AFDN: variants seen among roughly 807,000 people sequenced by gnomAD.
AFDN encodes the protein afadin, adherens junction formation factor.
In AFDN, 68 loss-of-function variants were observed where a neutral mutation model predicts 216.6. The ratio of observed to expected loss-of-function variants is 0.31; its 90% CI spans 0.26 to 0.38. The LOEUF is 0.38. AFDN is among the 10% of genes least tolerant of loss of function. The pLI, the probability that AFDN is intolerant of heterozygous loss-of-function variation, is 1.00. For missense variants in AFDN, 2,136 were observed against 2,342.0 expected (o/e 0.91, Z 1.82); for synonymous variants, 868 against 853.7 (o/e 1.02, Z -0.29).
chr6:167,939,152 C>T (rs1353366401), intron 23 of AFDN, among the ~76,000 whole-genome samples: 1 of 152,094 alleles, frequency 6.6e-6, no homozygotes, highest in African/African-American at 2.4e-5. Context: ...ATAATAGTGT[C>T]ACTAAAAATG....
chr6:167,857,872 A>T (rs376734740), intron 1 of AFDN, among the ~76,000 whole-genome samples: 1 of 152,108 alleles, frequency 6.6e-6, no homozygotes. Context: ...AATCAGTTAT[A>T]CCCCTAGACT....
At chr6:167,881,774 T>G (rs1170901720) in intron 6 of AFDN, among the ~76,000 whole-genome samples, 1 of 152,148 alleles carries the variant, frequency 6.6e-6, no homozygotes, top group Non-Finnish European at 1.5e-5. Context: ...GGGTCTTCAC[T>G]GAAAACAGGA....
At chr6:167,887,393 C>G (rs1056687850) in intron 6 of AFDN, among the ~76,000 whole-genome samples, 1 of 148,928 alleles carries the variant, frequency 6.7e-6, no homozygotes, top group Non-Finnish European at 1.5e-5. Context: ...CAATACAAAT[C>G]AGGAGGTAAT....
chr6:167,948,764 G>A (rs1012444027), intron 29 of AFDN, among the ~76,000 whole-genome samples: 9 of 152,236 alleles, frequency 5.9e-5, no homozygotes, highest in Non-Finnish European at 2.9e-5. Flanking sequence ...TAGAACTCAA[G>A]TGGTGTATTT....
upstream of AFDN, chr6:167,826,690 C>A: frequency 2.3e-6 from 1 of 443,052 alleles, no homozygotes. Context: ...CCGGTACCGC[C>A]GGTTGGGACC....
At chr6:167,952,425 T>A in intron 30 of AFDN, 1 of 985,450 alleles carries the variant, frequency 1.0e-6, no homozygotes, top group Non-Finnish European at 1.2e-6. Flanking sequence ...CAAATGGAAC[T>A]TGATTGTTTT....
intron 13 of AFDN, 53 bp downstream of exon 13, chr6:167,907,342 AAG>A: frequency 5.1e-6 from 7 of 1,383,126 alleles, no homozygotes; most frequent in Non-Finnish European, 7.2e-6. Context: ...ATTCCTAAAA[AAG>A]GGTTGGGATA....
intron 17 of AFDN, 123 bp downstream of exon 17, chr6:167,914,436 GCATA>G: frequency 7.5e-7 from 1 of 1,325,378 alleles, no homozygotes; most frequent in Non-Finnish European, 1.0e-6. Context: ...ATATAAAGAA[GCATA>G]CATTTTTGCA....
In AFDN at chr6:167,925,001, T is replaced by G. The variant is rs1048748414; in HGVS notation, c.3013-4T>G. ...TAAAATAAACCTTTGTTTTCATCCT[T>G]TAGGCTCAGCCTCTGAGGAAAGAAC... On this transcript the variant is annotated splice_region_variant and splice_polypyrimidine_tract_variant and intron_variant, in intron 22 of 33. Coordinates refer to ENST00000683244, the MANE Select transcript of AFDN (RefSeq NM_001386888.1). The G allele has an allele frequency of 5.0e-6, 8 of 1,607,194 alleles. No individual in the cohort carries two copies. Among genetic ancestry groups the G allele is most frequent in the Non-Finnish European group, 6.8e-6 (8 of 1,173,688 alleles).
chr6:167,967,795 G>A (rs760563997), intron 32 of AFDN, among the ~76,000 whole-genome samples: 1 of 152,074 alleles, frequency 6.6e-6, no homozygotes, highest in Non-Finnish European at 1.5e-5. Flanking sequence ...AGCGCATTCC[G>A]ACCTTGTGTC....
intron 1 of AFDN, chr6:167,864,237 TTATAAA>T: frequency 1.8e-6 from 1 of 568,454 alleles, no homozygotes; most frequent in Non-Finnish European, 3.4e-6. Flanking sequence ...AGCTGCATTC[TTATAAA>T]TATTGAGTGT....
At chr6:167,866,174 C>CTT (rs34243000) in intron 2 of AFDN, among the ~76,000 whole-genome samples, 134,376 of 152,014 alleles carry the variant, frequency 0.88, 59,575 homozygotes, top group Non-Finnish European at 0.92. Context: ...AGTGTGAAGT[C>CTT]TGAATAATAT....
intron 32 of AFDN, 94 bp from the exon 33 acceptor site, chr6:167,969,020 T>G: frequency 1.1e-6 from 1 of 951,986 alleles, no homozygotes; most frequent in Non-Finnish European, 1.7e-6. Context: ...TCAGTAAAGG[T>G]ATTTTTGTAT....
At chr6:167,966,572 T>C (rs1357555659) in intron 32 of AFDN, among the ~76,000 whole-genome samples, 4 of 152,260 alleles carry the variant, frequency 2.6e-5, no homozygotes, top group Non-Finnish European at 5.9e-5. Flanking sequence ...CTTGAAGTAC[T>C]GTTGGTCTTG....
chr6:167,943,623 A>G (rs1794946791), intron 25 of AFDN, 148 bp downstream of exon 25: 1 of 616,566 alleles, frequency 1.6e-6, no homozygotes, highest in Non-Finnish European at 2.8e-6. Flanking sequence ...TTCACTTGTT[A>G]TCAAATTATA....
At chr6:167,942,716 G>GT (rs1794840447) in intron 23 of AFDN, among the ~76,000 whole-genome samples, 1 of 152,104 alleles carries the variant, frequency 6.6e-6, no homozygotes, top group Non-Finnish European at 1.5e-5. Context: ...GCCACAAGAA[G>GT]TTTTTTTATC....
At chr6:167,933,019 G>T (rs1313560241) in intron 23 of AFDN, among the ~76,000 whole-genome samples, 2 of 152,104 alleles carry the variant, frequency 1.3e-5, no homozygotes, top group Non-Finnish European at 2.9e-5. Flanking sequence ...ATTTCATCCT[G>T]CTGGGTATAA....
In AFDN at chr6:167,970,486, CCTT is replaced by C. The variant is rs1797952258; in HGVS notation, c.*554_*556del. On this transcript the variant is annotated 3_prime_UTR_variant, in exon 34 of 34. Coordinates refer to ENST00000683244, the MANE Select transcript of AFDN (RefSeq NM_001386888.1). ...CTGATGGTGTCTGTTCCCACAATATCCTTCTAGTCTGCATCGTGAAGTGGCTTA... is the reference window on the plus strand; with the variant it reads ...CTGATGGTGTCTGTTCCCACAATATCCTAGTCTGCATCGTGAAGTGGCTTA... 1 of 219,208 alleles carries C rather than the reference CCTT, an allele frequency of 4.6e-6. No homozygotes were observed. The highest frequency in any genetic ancestry group is 9.1e-6 in the Non-Finnish European group (1 of 109,342). The allele number at this position is 219,208 out of a possible 1,614,324, so 13.6% of individuals were successfully genotyped here.
Position 167,947,958 on chromosome 6 carries a change from A to C in AFDN, c.3645+14A>C, listed in dbSNP as rs200839257. On this transcript the variant is annotated intron_variant, in intron 28 of 33. Transcript: ENST00000683244. ...CTCTGCACTGAGGTCTGATTGATTG[A>C]TAAGCAAAAGGCTTCTACTGCATTT... is the stretch of plus-strand genomic sequence containing the variant. The C allele has an allele frequency of 1.0e-5, 16 of 1,589,034 alleles. No homozygotes were observed. Among genetic ancestry groups the C allele is most frequent in the Non-Finnish European group, 1.2e-5 (14 of 1,157,858 alleles).
Sources: allele counts gnomAD v4.1 joint callset (sites outside exome capture counted in the v4.1 genomes callset), GRCh38; gene constraint gnomAD v4.1.1; transcripts MANE v1.5; gene names NCBI Gene and HGNC (gene_info 2026-07-23, HGNC 2026-07-21).